Variants in VPS50 observed in about 807,000 individuals in gnomAD.
VPS50 encodes syndetin.
VPS50 carries 70 observed loss-of-function variants against 139.7 expected under a neutral mutation model. The observed-to-expected ratio is 0.50, with a 90% confidence interval of 0.41 to 0.61. The LOEUF (loss-of-function observed/expected upper bound fraction) is 0.61, where lower values mean the gene tolerates loss of function less well. Ranked by LOEUF, VPS50 falls within the 20% of genes least tolerant of loss-of-function variation. The pLI is 0.00. For synonymous variants in VPS50, 365 were observed against 376.7 expected (o/e 0.97, Z 0.36); for missense variants, 921 against 1,133.7 (o/e 0.81, Z 2.69).
chr7:93,323,684 T>G lies in VPS50; in HGVS notation c.1929T>G (p.Phe643Leu). 7.1e-7 allele frequency: 1 copy of G among 1,411,664 alleles called. No individual in the cohort carries two copies. Among genetic ancestry groups the G allele is most frequent in the East Asian group, 2.6e-5 (1 of 38,858 alleles). 87.4% of individuals were successfully genotyped at this position (1,411,664 alleles called of 1,614,324 possible). Residue 643 changes from phenylalanine (F) to leucine (L), a missense_variant, in exon 21 of 28, where the codon TTT becomes TTG. Around this residue, in one of 3 missense-constraint regions of VPS50, gnomAD observed 744 missense variants for 930.6 expected, o/e 0.80. Coordinates refer to ENST00000305866, the MANE Select transcript of VPS50 (RefSeq NM_017667.4). Reference sequence around the variant, plus strand: ...TTATTCATTTCATGTCTCAACTATTTGATTATTACTTGTATGCAATATATA... The same window carrying G: ...TTATTCATTTCATGTCTCAACTATTGGATTATTACTTGTATGCAATATATA... ...FDVIHFMSQL[F>L]DYYLYAIYTF...
At chr7:93,278,782 GATATAT>G (rs35394421) in intron 12 of VPS50, among the ~76,000 whole-genome samples, 10 of 147,986 alleles carry the variant, frequency 6.8e-5, no homozygotes, top group Admixed American at 2.0e-4. Context: ...GATAGTAGGT[GATATAT>G]ATATATATAT....
chr7:93,249,086 T>A (rs1795239603), intron 2 of VPS50, among the ~76,000 whole-genome samples: 1 of 152,098 alleles, frequency 6.6e-6, no homozygotes, highest in African/African-American at 2.4e-5. Flanking sequence ...TCCATGTCAG[T>A]TCTTTGAAAT....
Position 93,358,231 on chromosome 7 carries a change from A to C in VPS50, c.2776-86A>C. On this transcript the variant is annotated intron_variant, in intron 27 of 27. Coordinates refer to ENST00000305866, the MANE Select transcript of VPS50 (RefSeq NM_017667.4). ...ATAATGCTCAGTAACTATCCACTGCACCTGAATATCCGCCTGTTCTTTTGT... is the reference window on the plus strand; with the variant it reads ...ATAATGCTCAGTAACTATCCACTGCCCCTGAATATCCGCCTGTTCTTTTGT... The C allele has an allele frequency of 8.2e-6, 10 of 1,218,270 alleles. 1 individual carries two copies. The highest frequency in any genetic ancestry group is 1.1e-5 in the Non-Finnish European group (9 of 834,530). The allele number at this position is 1,218,270 out of a possible 1,614,324, so 75.5% of individuals were successfully genotyped here.
chr7:93,359,085 CTT>C lies in VPS50; in HGVS notation c.*652_*653del, dbSNP rs1798783627. The C allele has an allele frequency of 6.6e-6, 1 of 151,988 alleles. No homozygotes were observed. The highest frequency in any genetic ancestry group is 2.4e-5 in the African/African-American group (1 of 41,376). 9.4% of individuals were successfully genotyped at this position (151,988 alleles called of 1,614,324 possible). A position where few individuals can be genotyped will look rare whatever the true frequency, so the allele number is the denominator to read the frequency against. The stretch of plus-strand genomic sequence containing the variant: ...GCAGATGTCATGAACTATAGTGCAG[CTT>C]TTAGTGTGTTCTAATTTTAATTGTT... On this transcript the variant is annotated 3_prime_UTR_variant, in exon 28 of 28. Transcript: ENST00000305866.
chr7:93,348,766 C>G lies in VPS50; in HGVS notation c.2263C>G (p.Pro755Ala). ...FLQPHLDAVM[P>A]AVKKPFLQQF... Reference sequence around the variant, plus strand: ...TCAGCCACATCTGGATGCTGTGATGCCTGCAGTCAAAAAGCCCTTTCTTCA... The same window carrying G: ...TCAGCCACATCTGGATGCTGTGATGGCTGCAGTCAAAAAGCCCTTTCTTCA... The change falls in exon 24 of 28, where the codon CCT becomes GCT. Residue 755 changes from proline to alanine, a missense_variant. Physicochemically the swap from Pro to Ala is conservative, Grantham distance 27 (BLOSUM62 -1). Transcript: ENST00000305866. 1.2e-6 allele frequency: 2 copies of G among 1,613,534 alleles called. No homozygotes were observed. Among genetic ancestry groups the G allele is most frequent in the Non-Finnish European group, 1.7e-6 (2 of 1,179,590 alleles).
chr7:93,337,467 C>A (rs528322832), intron 22 of VPS50, among the ~76,000 whole-genome samples: 1 of 152,208 alleles, frequency 6.6e-6, no homozygotes, highest in South Asian at 2.1e-4. Context: ...CTGTTCTATC[C>A]CTAATTAACT....
At chr7:93,326,289 G>A (rs1453912861) in intron 21 of VPS50, among the ~76,000 whole-genome samples, 1 of 109,624 alleles carries the variant, frequency 9.1e-6, no homozygotes, top group Non-Finnish European at 1.7e-5. Context: ...ACACTCTGGG[G>A]ACTGTTGTGG....
At chr7:93,353,860 A>C (rs777841714) in intron 26 of VPS50, 99 bp downstream of exon 26, 2 of 959,222 alleles carry the variant, frequency 2.1e-6, no homozygotes, top group South Asian at 1.8e-5. Context: ...AGTAGAAATA[A>C]TAACAACTAG....
chr7:93,248,271 C>T (rs1011443804), intron 2 of VPS50, among the ~76,000 whole-genome samples: 2 of 151,646 alleles, frequency 1.3e-5, no homozygotes, highest in Non-Finnish European at 2.9e-5. Flanking sequence ...CCCAATTTTG[C>T]CTTGTAATTT....
chr7:93,269,889 T>A (rs1795953749), intron 9 of VPS50, among the ~76,000 whole-genome samples: 1 of 152,098 alleles, frequency 6.6e-6, no homozygotes, highest in Admixed American at 6.6e-5. Flanking sequence ...GCCCTCCCTA[T>A]TTGCTTTGGC....
chr7:93,313,019 G>A (rs1001359708), intron 20 of VPS50, among the ~76,000 whole-genome samples: 5 of 152,158 alleles, frequency 3.3e-5, no homozygotes, highest in African/African-American at 9.7e-5. Context: ...TTTTTCACTC[G>A]TGATACGCAT....
rs777872348 is a variant in VPS50 at position 93,305,808 on chromosome 7, G to C, written c.1453-20G>C. 2 of 1,601,508 alleles carry C rather than the reference G, an allele frequency of 1.2e-6. No individual in the cohort carries two copies. Among genetic ancestry groups the C allele is most frequent in the African/African-American group, 2.7e-5 (2 of 74,530 alleles). On this transcript the variant is annotated intron_variant, in intron 17 of 27. Transcript: ENST00000305866. ...TTTTATTGTTGCTAAAGGGTATCTG[G>C]CTCCTTTTTTAACATCTAGGAATTT...
In VPS50 at chr7:93,276,312, A is replaced by G. The variant is rs939514476; in HGVS notation, c.942+7A>G. On this transcript the variant is annotated splice_region_variant and intron_variant, in intron 12 of 27. Transcript: ENST00000305866. ...ATATAAGGATCTCTGTACAGTATGT[A>G]GTGACTTAATTACTATTCATATATC... 9.9e-6 allele frequency: 16 copies of G among 1,608,736 alleles called. No individual in the cohort carries two copies. The highest frequency in any genetic ancestry group is 1.7e-5 in the Admixed American group (1 of 59,790).
chr7:93,298,436 T>C (rs2116955535), intron 16 of VPS50, among the ~76,000 whole-genome samples: 1 of 152,246 alleles, frequency 6.6e-6, no homozygotes, highest in South Asian at 2.1e-4. Flanking sequence ...GGAAATAAAA[T>C]GGAAGCACAA....
At chr7:93,323,862 T>G in intron 21 of VPS50, 130 bp downstream of exon 21, 1 of 396,930 alleles carries the variant, frequency 2.5e-6, no homozygotes, top group Non-Finnish European at 4.3e-6. Flanking sequence ...AAAAACAAAA[T>G]TATTGATATC....
intron 5 of VPS50, among the ~76,000 whole-genome samples, 198 bp downstream of exon 5, chr7:93,256,760 A>G (rs1399964208): frequency 6.6e-6 from 1 of 152,064 alleles, no homozygotes; most frequent in African/African-American, 2.4e-5. Flanking sequence ...GAAGAAGCGA[A>G]GGGTTTTTAT....
At chr7:93,245,710 CCACTAGATGG>C (rs1795130265) in intron 2 of VPS50, among the ~76,000 whole-genome samples, 2 of 151,704 alleles carry the variant, frequency 1.3e-5, no homozygotes, top group South Asian at 4.1e-4. Context: ...CAACAGTATT[CCACTAGATGG>C]CACTAAAAGC....
chr7:93,323,611 GA>G lies in VPS50; in HGVS notation c.1860del (p.Lys620AsnfsTer5). ...NTTLNVIRLV[G>X]KYMQMMNILK... ...ATTTTTTATTCTTTTTTCTTTTCAG[GA>G]AAATATATGCAGATGATGAACATTC... On this transcript the variant is annotated frameshift_variant and splice_region_variant, in exon 21 of 28. Transcript: ENST00000305866. LOFTEE classifies it high-confidence loss of function. The G allele has an allele frequency of 8.1e-7, 1 of 1,239,190 alleles. No individual in the cohort carries two copies. The highest frequency in any genetic ancestry group is 1.1e-6 in the Non-Finnish European group (1 of 930,662). 76.8% of individuals were successfully genotyped at this position (1,239,190 alleles called of 1,614,324 possible). A position where few individuals can be genotyped will look rare whatever the true frequency, so the allele number is the denominator to read the frequency against.
At chr7:93,304,569 C>T (rs3802057) in intron 17 of VPS50, among the ~76,000 whole-genome samples, 89,995 of 151,620 alleles carry the variant, frequency 0.59, 29,714 homozygotes, top group African/African-American at 0.9. Flanking sequence ...TCCTTAACAT[C>T]ATTTAGAATT....
Sources: allele counts gnomAD v4.1 joint callset (sites outside exome capture counted in the v4.1 genomes callset), GRCh38; gene constraint gnomAD v4.1.1; regional missense constraint gnomAD v4.1.1; transcripts MANE v1.5; gene names NCBI Gene and HGNC (gene_info 2026-07-23, HGNC 2026-07-21).